The following FHIT variants were observed in gnomAD, a reference collection of about 807,000 sequenced individuals.
FHIT encodes fragile histidine triad diadenosine triphosphatase.
A neutral mutation model predicts 17.9 loss-of-function variants in FHIT; 19 were observed. The observed-to-expected ratio is 1.06, with a 90% confidence interval of 0.74 to 1.56. The LOEUF (loss-of-function observed/expected upper bound fraction) is 1.56, where lower values mean the gene tolerates loss of function less well. Among genes scored for constraint, FHIT ranks in the 40% most tolerant of loss-of-function variants. The pLI, the probability that FHIT is intolerant of heterozygous loss-of-function variation, is 0.00. For missense variants in FHIT, 248 were observed against 189.2 expected (o/e 1.31, Z -1.82); for synonymous variants, 81 against 69.7 (o/e 1.16, Z -0.81).
At chr3:60,830,535 C>T (rs1553742223) in intron 3 of FHIT, among the ~76,000 whole-genome samples, 2 of 152,076 alleles carry the variant, frequency 1.3e-5, no homozygotes, top group Non-Finnish European at 2.9e-5. Context: ...AGAAATGTCA[C>T]AATTTTAATT....
chr3:59,845,773 G>C (rs907775144), intron 8 of FHIT, among the ~76,000 whole-genome samples: 1 of 152,242 alleles, frequency 6.6e-6, no homozygotes, highest in East Asian at 1.9e-4. Flanking sequence ...TGTTTGGCAT[G>C]TATCTGTTAG....
At chr3:59,883,490 CAGG>C (rs1703491071) in intron 8 of FHIT, among the ~76,000 whole-genome samples, 1 of 152,188 alleles carries the variant, frequency 6.6e-6, no homozygotes, top group Non-Finnish European at 1.5e-5. Flanking sequence ...CATCAGATTT[CAGG>C]AGACTTATTC....
chr3:60,231,476 T>A (rs1430214885), intron 5 of FHIT, among the ~76,000 whole-genome samples: 2 of 152,190 alleles, frequency 1.3e-5, no homozygotes, highest in African/African-American at 2.4e-5. Context: ...ACAACCTGAC[T>A]TCTAGCACCA....
chr3:60,059,148 T>C (rs917207469), intron 5 of FHIT, among the ~76,000 whole-genome samples: 6 of 152,060 alleles, frequency 3.9e-5, no homozygotes, highest in Non-Finnish European at 8.8e-5. Flanking sequence ...AAATAATAAT[T>C]TGTCACAGCC....
Position 60,759,875 on chromosome 3 carries a change from G to A in FHIT, c.-18+62044C>T, listed in dbSNP as rs190641995. Among the ~76,000 whole-genome samples, 18 of 152,262 alleles carry A rather than the reference G, an allele frequency of 1.2e-4. No individual in the cohort carries two copies. In the East Asian group the frequency reaches 2.5e-3, roughly 21 times the overall value. ...TGCTGTAAATGGGAAGCAGAGAAAC[G>A]TGGGAGCTGGAATGAATTATGCAGG... is the stretch of plus-strand genomic sequence containing the variant. On this transcript the variant is annotated intron_variant, in intron 4 of 9. Transcript: ENST00000492590.
At chr3:60,996,220 C>G (rs1039371116) in intron 3 of FHIT, among the ~76,000 whole-genome samples, 3 of 152,092 alleles carry the variant, frequency 2.0e-5, no homozygotes, top group South Asian at 2.1e-4. Context: ...CAGAGTGTGA[C>G]GAGATGGTGG....
intron 5 of FHIT, among the ~76,000 whole-genome samples, chr3:60,153,396 G>C (rs1168224850): frequency 6.6e-6 from 1 of 151,020 alleles, no homozygotes; most frequent in Non-Finnish European, 1.5e-5. Flanking sequence ...AGAGGAGGTG[G>C]GGGAGAAAGA....
chr3:60,609,476 C>T (rs1553672589), intron 4 of FHIT, among the ~76,000 whole-genome samples: 2 of 152,014 alleles, frequency 1.3e-5, no homozygotes, highest in African/African-American at 4.8e-5. Context: ...CAGGTGTGTG[C>T]CACCACACCC....
chr3:61,019,233 T>C (rs1164610146), intron 3 of FHIT, among the ~76,000 whole-genome samples: 2 of 152,228 alleles, frequency 1.3e-5, no homozygotes, highest in African/African-American at 2.4e-5. Context: ...CAATATGTTA[T>C]GAAATATATT....
chr3:61,248,654 G>C (rs2040542224), intron 1 of FHIT, among the ~76,000 whole-genome samples: 1 of 152,158 alleles, frequency 6.6e-6, no homozygotes, highest in African/African-American at 2.4e-5. Context: ...TTCCAAAATA[G>C]AAACAGAGCA....
intron 5 of FHIT, among the ~76,000 whole-genome samples, chr3:60,086,961 T>C (rs2107073607): frequency 6.6e-6 from 1 of 152,324 alleles, no homozygotes; most frequent in East Asian, 1.9e-4. Flanking sequence ...TGCACCTCTG[T>C]GGAAGGTCTC....
intron 3 of FHIT, among the ~76,000 whole-genome samples, chr3:60,983,480 G>A (rs959398579): frequency 2.6e-5 from 4 of 152,142 alleles, no homozygotes; most frequent in Non-Finnish European, 4.4e-5. Context: ...TTGCACATAC[G>A]TGGGAGCTGA....
chr3:59,932,747 G>T (rs114040825), intron 7 of FHIT, among the ~76,000 whole-genome samples: 2,526 of 152,028 alleles, frequency 0.017, 74 homozygotes, highest in African/African-American at 0.057. Context: ...ACCTAAACAG[G>T]AACAGTGAGA....
At chr3:60,821,254 G>C (rs1242513666) in intron 4 of FHIT, among the ~76,000 whole-genome samples, 2 of 152,074 alleles carry the variant, frequency 1.3e-5, no homozygotes, top group Non-Finnish European at 2.9e-5. Context: ...GGGATTACAG[G>C]CCCTTTGCTG....
At chr3:60,026,227 T>A (rs2630157) in intron 5 of FHIT, among the ~76,000 whole-genome samples, 1 of 152,144 alleles carries the variant, frequency 6.6e-6, no homozygotes, top group Non-Finnish European at 1.5e-5. Context: ...TTAATATCTG[T>A]ACCTACTTCA....
In FHIT at chr3:60,250,475, G is replaced by A. The variant is rs188141512; in HGVS notation, c.104-236323C>T. 1.8e-4 allele frequency among the ~76,000 whole-genome samples: 27 copies of A among 152,280 alleles called. No individual in the cohort carries two copies. In the East Asian group the frequency reaches 4.4e-3, roughly 25 times the overall value. ...AGAAAAGTACAAAACATCTGTTGAA[G>A]TCATGGGTGACTTGTTAGCAAAGTT... On this transcript the variant is annotated intron_variant, in intron 5 of 9. Coordinates refer to ENST00000492590, the MANE Select transcript of FHIT (RefSeq NM_002012.4).
intron 8 of FHIT, among the ~76,000 whole-genome samples, chr3:59,782,964 C>A (rs1446781376): frequency 2.0e-5 from 3 of 152,134 alleles, no homozygotes; most frequent in Admixed American, 1.3e-4. Flanking sequence ...CCTGCCCTTG[C>A]AGATATACCT....
At chr3:59,785,454 C>T (rs1015894728) in intron 8 of FHIT, among the ~76,000 whole-genome samples, 4 of 151,934 alleles carry the variant, frequency 2.6e-5, no homozygotes, top group African/African-American at 9.7e-5. Context: ...GGTTTACAGG[C>T]GTGCATCATC....
At chr3:60,379,493 C>G (rs926813204) in intron 5 of FHIT, among the ~76,000 whole-genome samples, 1 of 152,152 alleles carries the variant, frequency 6.6e-6, no homozygotes, top group Non-Finnish European at 1.5e-5. Flanking sequence ...GTAACACTAA[C>G]ACTTCTGTTT....
Sources: allele counts gnomAD v4.1 joint callset (sites outside exome capture counted in the v4.1 genomes callset), GRCh38; gene constraint gnomAD v4.1.1; transcripts MANE v1.5; gene names NCBI Gene and HGNC (gene_info 2026-07-23, HGNC 2026-07-21).